Variants in MAP3K2 observed in about 807,000 individuals in gnomAD.
The protein encoded by MAP3K2 is MAP/ERK kinase kinase 2.
Under a neutral mutation model 80.3 loss-of-function variants are expected in MAP3K2, and 24 were observed. That is an observed-to-expected ratio of 0.30 (90% CI 0.22 to 0.42). MAP3K2 has a LOEUF of 0.42. Among genes scored for constraint, MAP3K2 ranks in the 10% least tolerant of loss-of-function variants. MAP3K2 has a pLI of 1.00. For missense variants in MAP3K2, 608 were observed against 750.1 expected (o/e 0.81, Z 2.21); for synonymous variants, 244 against 253.7 (o/e 0.96, Z 0.36).
At chr2:127,316,139 G>A (rs568279243) in intron 14 of MAP3K2, among the ~76,000 whole-genome samples, 3 of 150,922 alleles carry the variant, frequency 2.0e-5, no homozygotes, top group South Asian at 2.1e-4. Context: ...TTGGGAGGTC[G>A]AGGCAGGCGG....
At chr2:127,360,415 T>A (rs547347340) in intron 1 of MAP3K2, among the ~76,000 whole-genome samples, 3 of 148,656 alleles carry the variant, frequency 2.0e-5, no homozygotes, top group South Asian at 4.2e-4. Flanking sequence ...GAACAACGGA[T>A]AGAGGTAAGA....
Position 127,327,105 on chromosome 2 carries a change from G to A in MAP3K2, c.467-288C>T, listed in dbSNP as rs963601539. ...GATGATAATACAATATAGATTTCTG[G>A]CATTAAGACAGTTTATTTAAGTAAT... On this transcript the variant is annotated intron_variant, in intron 7 of 16. Transcript: ENST00000682094. Among the ~76,000 whole-genome samples the A allele has an allele frequency of 3.3e-5, 5 of 151,998 alleles. No homozygotes were observed. The South Asian group carries it at 6.2e-4, about 19-fold the overall frequency.
rs1685658817 is a variant in MAP3K2 at position 127,304,484 on chromosome 2, A to C, written c.*3095T>G. On this transcript the variant is annotated 3_prime_UTR_variant, in exon 17 of 17. Transcript: ENST00000682094. ...CCTGAAAAGCACATATAAGACTGCT[A>C]GTGAATCTTCTCCAGCACCAAAAAG... 6.6e-6 allele frequency: 1 copy of C among 152,234 alleles called. No homozygotes were observed. The highest frequency in any genetic ancestry group is 2.4e-5 in the African/African-American group (1 of 41,446). 9.4% of individuals were successfully genotyped at this position (152,234 alleles called of 1,614,324 possible).
At chr2:127,326,304 T>TCCGTCTCA (rs1371471977) in intron 8 of MAP3K2, among the ~76,000 whole-genome samples, 69 of 68,516 alleles carry the variant, frequency 1.0e-3, no homozygotes, top group East Asian at 5.5e-3. Flanking sequence ...ATTTTAATAC[T>TCCGTCTCA]ATAAAATTGA....
Position 127,364,508 on chromosome 2 carries a change from G to A in MAP3K2, c.-65-21314C>T, listed in dbSNP as rs1006692892. 6.6e-6 allele frequency among the ~76,000 whole-genome samples: 1 copy of A among 152,090 alleles called. No homozygotes were observed. The highest frequency in any genetic ancestry group is 2.4e-5 in the African/African-American group (1 of 41,400). ...CGATAATGGAAAAGAATTATCGTCT[G>A]TGGACTGTCAGACGATGTGCTAGAC... On this transcript the variant is annotated intron_variant, in intron 1 of 16. Transcript: ENST00000682094. This position sits in a 1 kb window ranked among gnomAD's most constrained non-coding sequence, Gnocchi z 4.1.
chr2:127,319,763 C>T (rs1445928237), intron 12 of MAP3K2, among the ~76,000 whole-genome samples: 1 of 151,048 alleles, frequency 6.6e-6, no homozygotes, highest in Non-Finnish European at 1.5e-5. Flanking sequence ...CGCTTGAACC[C>T]GGGAAGGGGA....
intron 14 of MAP3K2, 83 bp downstream of exon 14, chr2:127,317,546 A>C: frequency 8.2e-7 from 1 of 1,217,776 alleles, no homozygotes; most frequent in Non-Finnish European, 1.1e-6. Context: ...TTAACATTTT[A>C]TAATCTACGT....
chr2:127,379,217 C>T (rs1687203334), intron 1 of MAP3K2, among the ~76,000 whole-genome samples: 1 of 151,994 alleles, frequency 6.6e-6, no homozygotes, highest in South Asian at 2.1e-4. Flanking sequence ...TAAATACTAC[C>T]TCCCAATCAC....
At position 127,321,169 on chromosome 2, in the gene MAP3K2, C is replaced by T. The variant is rs1275787587; in HGVS notation, c.1045+877G>A. Among the ~76,000 whole-genome samples the T allele has an allele frequency of 6.6e-6, 1 of 152,080 alleles. No homozygotes were observed. Among genetic ancestry groups the T allele is most frequent in the Non-Finnish European group, 1.5e-5 (1 of 68,022 alleles). On this transcript the variant is annotated intron_variant, in intron 12 of 16. Coordinates refer to ENST00000682094, the MANE Select transcript of MAP3K2 (RefSeq NM_001371910.2). This position sits in a 1 kb window ranked among gnomAD's most constrained non-coding sequence, Gnocchi z 4.4. ...AAACAAAAGCAGAATGAACTCAGTA[C>T]CAGCATGCCTATATTACAAGAAAGG...
At chr2:127,342,762 T>C (rs1686522076) in intron 2 of MAP3K2, among the ~76,000 whole-genome samples, 1 of 152,166 alleles carries the variant, frequency 6.6e-6, no homozygotes, top group Non-Finnish European at 1.5e-5. Context: ...TATACCACAA[T>C]ATACGACCAA....
At chr2:127,351,918 C>A (rs1573997911) in intron 1 of MAP3K2, among the ~76,000 whole-genome samples, 2 of 151,636 alleles carry the variant, frequency 1.3e-5, no homozygotes, top group South Asian at 4.2e-4. Context: ...GCTTTGTCAC[C>A]CAGGCTAGAG....
At chr2:127,385,872 T>A (rs72848630) in intron 1 of MAP3K2, among the ~76,000 whole-genome samples, 5,168 of 152,326 alleles carry the variant, frequency 0.034, 126 homozygotes, top group Middle Eastern at 0.071. Context: ...ACATTGCTTA[T>A]AAGACTCAGT....
rs1685593311 is a variant in MAP3K2 at position 127,301,587 on chromosome 2, C to T, written c.*5992G>A. ...ATAAAAGCTTTGGTTTAAAGTGATT[C>T]TGATAATACAGATTGTGTTACAAAC... On this transcript the variant is annotated 3_prime_UTR_variant, in exon 17 of 17. Transcript: ENST00000682094. The T allele has an allele frequency of 1.3e-5, 2 of 152,138 alleles. No individual in the cohort carries two copies. Among genetic ancestry groups the T allele is most frequent in the African/African-American group, 4.8e-5 (2 of 41,446 alleles). The allele number at this position is 152,138 out of a possible 1,614,324, so 9.4% of individuals were successfully genotyped here. A position where few individuals can be genotyped will look rare whatever the true frequency, so the allele number is the denominator to read the frequency against.
At position 127,335,949 on chromosome 2, in the gene MAP3K2, G is replaced by A; in HGVS notation, c.185C>T (p.Pro62Leu). ...AGATCTCAGATCTTCCAGTTTAACT[G>A]GTCTGGGGAACTGAAGGATTCTATA... ...GEKRILQFPR[P>L]VKLEDLRSKA... The change falls in exon 5 of 17, where the codon CCA becomes CTA. Residue 62 changes from proline to leucine, a missense_variant. By Grantham distance (98) the Pro-to-Leu change is moderately conservative (BLOSUM62 -3). Transcript: ENST00000682094. 6.4e-7 allele frequency: 1 copy of A among 1,564,336 alleles called. No homozygotes were observed. The highest frequency in any genetic ancestry group is 8.7e-7 in the Non-Finnish European group (1 of 1,150,330).
At chr2:127,386,487 A>C (rs1314927469) in intron 1 of MAP3K2, among the ~76,000 whole-genome samples, 1 of 152,252 alleles carries the variant, frequency 6.6e-6, no homozygotes, top group Non-Finnish European at 1.5e-5. Context: ...CAACAAGGAA[A>C]TCTCAAGCAA....
At chr2:127,351,957 G>A (rs960371143) in intron 1 of MAP3K2, among the ~76,000 whole-genome samples, 52 of 151,854 alleles carry the variant, frequency 3.4e-4, no homozygotes, top group African/African-American at 1.3e-3. Flanking sequence ...GCTCGCTGCA[G>A]CCTTGACCTC....
At position 127,305,766 on chromosome 2, in the gene MAP3K2, T is replaced by C. The variant is rs572821140; in HGVS notation, c.*1813A>G. 5.3e-5 allele frequency: 8 copies of C among 152,268 alleles called. No individual in the cohort carries two copies. The South Asian group carries it at 1.2e-3, about 24-fold the overall frequency. The allele number at this position is 152,268 out of a possible 1,614,324, so 9.4% of individuals were successfully genotyped here. A position where few individuals can be genotyped will look rare whatever the true frequency, so the allele number is the denominator to read the frequency against. ...ACTGCAAGTGGCCAAATTGCTGATA[T>C]CTTCATGTTTTATAGTAGCACAATT... On this transcript the variant is annotated 3_prime_UTR_variant, in exon 17 of 17. Coordinates refer to ENST00000682094, the MANE Select transcript of MAP3K2 (RefSeq NM_001371910.2).
At chr2:127,327,309 T>C (rs1300272259) in intron 7 of MAP3K2, among the ~76,000 whole-genome samples, 3 of 152,176 alleles carry the variant, frequency 2.0e-5, no homozygotes, top group Non-Finnish European at 2.9e-5. Flanking sequence ...AAAGGAGTCA[T>C]TGTGAGTATA....
chr2:127,325,221 T>C (rs1014687342), intron 9 of MAP3K2, among the ~76,000 whole-genome samples: 2 of 152,194 alleles, frequency 1.3e-5, no homozygotes, highest in Non-Finnish European at 2.9e-5. Flanking sequence ...CTAACAAAGA[T>C]ACTGAGTCCC....
Sources: allele counts gnomAD v4.1 joint callset (sites outside exome capture counted in the v4.1 genomes callset), GRCh38; gene constraint gnomAD v4.1.1; non-coding constraint Gnocchi (gnomAD v3.1); transcripts MANE v1.5; gene names NCBI Gene and HGNC (gene_info 2026-07-23, HGNC 2026-07-21).